ICA1L: variants seen among roughly 807,000 people sequenced by gnomAD.
The protein encoded by ICA1L is islet cell autoantigen 1-like protein.
A neutral mutation model predicts 61.3 loss-of-function variants in ICA1L; 50 were observed. The observed-to-expected ratio is 0.82, with a 90% CI of 0.65 to 1.03. The LOEUF (loss-of-function observed/expected upper bound fraction) is 1.03, where lower values mean the gene tolerates loss of function less well. ICA1L is among the 50% of genes least tolerant of loss of function. The pLI, the probability that ICA1L is intolerant of heterozygous loss-of-function variation, is 0.00. For missense variants in ICA1L, 508 were observed against 556.7 expected (o/e 0.91, Z 0.88); for synonymous variants, 161 against 191.3 (o/e 0.84, Z 1.31).
chr2:202,834,507 A>T (rs1054304650), intron 1 of ICA1L, among the ~76,000 whole-genome samples: 4 of 152,102 alleles, frequency 2.6e-5, no homozygotes, highest in Admixed American at 1.3e-4. Context: ...AAGTACCTGC[A>T]GTCCCTGCTA....
intron 9 of ICA1L, 65 bp downstream of exon 9, chr2:202,811,681 G>C: frequency 1.1e-6 from 1 of 907,130 alleles, no homozygotes; most frequent in South Asian, 1.6e-5. Flanking sequence ...AAAAAAAAAG[G>C]CTGTGATAAA....
Position 202,773,925 on chromosome 2 carries a change from G to C in ICA1L, c.*5608C>G. 1 of 1,209,388 alleles carries C rather than the reference G, an allele frequency of 8.3e-7. No homozygotes were observed. The allele number at this position is 1,209,388 out of a possible 1,614,324, so 74.9% of individuals were successfully genotyped here. A position where few individuals can be genotyped will look rare whatever the true frequency, so the allele number is the denominator to read the frequency against. On this transcript the variant is annotated 3_prime_UTR_variant, in exon 13 of 13. Transcript: ENST00000358299. ...AATAAGAACAGTCAACGTAGAAAGA[G>C]ACAGAAAGATTCTTCTCTTCCGCTT...
chr2:202,825,792 C>T, intron 2 of ICA1L, 25 bp from the exon 3 acceptor site: 1 of 1,432,808 alleles, frequency 7.0e-7, no homozygotes, highest in Non-Finnish European at 9.5e-7. Context: ...TTTATTAGGA[C>T]AATTTAAAGA....
At position 202,846,731 on chromosome 2, in the gene ICA1L, AGTC is replaced by A. The variant is rs777122801; in HGVS notation, c.-7-17718_-7-17716del. Reference sequence around the variant, plus strand: ...ACTTGCAAGCCCTTATCCAAAAGTGAGTCATTCATTCATTCATTCATTCATTGT... The same window carrying A: ...ACTTGCAAGCCCTTATCCAAAAGTGAATTCATTCATTCATTCATTCATTGT... On this transcript the variant is annotated intron_variant, in intron 1 of 12. Transcript: ENST00000358299. Among the ~76,000 whole-genome samples, 192 of 114,808 alleles carry A rather than the reference AGTC, an allele frequency of 1.7e-3. 6 individuals are homozygous for A. The highest frequency in any genetic ancestry group is 2.9e-3 in the Admixed American group (33 of 11,266). The allele number at this position is 114,808 out of a possible 152,430, so 75.3% of individuals were successfully genotyped here. A position where few individuals can be genotyped will look rare whatever the true frequency, so the allele number is the denominator to read the frequency against.
At chr2:202,791,985 T>G (rs953737476) in intron 10 of ICA1L, among the ~76,000 whole-genome samples, 1 of 151,968 alleles carries the variant, frequency 6.6e-6, no homozygotes, top group Non-Finnish European at 1.5e-5. Context: ...CTGGCCAACA[T>G]AGTGAAACTC....
At chr2:202,782,281 G>T (rs1056650471) in intron 12 of ICA1L, among the ~76,000 whole-genome samples, 1 of 152,064 alleles carries the variant, frequency 6.6e-6, no homozygotes. Context: ...GGAGGCGGAG[G>T]TTACAGTGAG....
chr2:202,862,277 A>C (rs1259249068), intron 1 of ICA1L, among the ~76,000 whole-genome samples: 1 of 89,918 alleles, frequency 1.1e-5, no homozygotes, highest in Admixed American at 1.2e-4. Context: ...TTCTACAAAA[A>C]AAAAAAAAAA....
At position 202,776,846 on chromosome 2, in the gene ICA1L, AC is replaced by A. The variant is rs1692238069; in HGVS notation, c.*2686del. ...CCTTGTATGTCTCCATTTCGGGAGA[AC>A]TTTTGCTTTTGGAAAATTTAGGGTG... is the stretch of plus-strand genomic sequence containing the variant. On this transcript the variant is annotated 3_prime_UTR_variant, in exon 13 of 13. Coordinates refer to ENST00000358299, the MANE Select transcript of ICA1L (RefSeq NM_001288622.3). The A allele has an allele frequency of 6.6e-6, 1 of 152,126 alleles. No individual in the cohort carries two copies. Among genetic ancestry groups the A allele is most frequent in the Non-Finnish European group, 1.5e-5 (1 of 68,024 alleles). 9.4% of individuals were successfully genotyped at this position (152,126 alleles called of 1,614,324 possible).
intron 1 of ICA1L, among the ~76,000 whole-genome samples, chr2:202,851,768 C>T (rs574812676): frequency 6.6e-6 from 1 of 151,974 alleles, no homozygotes; most frequent in Non-Finnish European, 1.5e-5. Context: ...CCAGTGATGA[C>T]GAGCATTTTG....
At chr2:202,795,345 C>T (rs1692894149) in intron 10 of ICA1L, among the ~76,000 whole-genome samples, 1 of 151,954 alleles carries the variant, frequency 6.6e-6, no homozygotes, top group Non-Finnish European at 1.5e-5. Flanking sequence ...GGAGTGGTGG[C>T]ACACGCCTAT....
At chr2:202,783,049 T>C (rs1692460816) in intron 12 of ICA1L, among the ~76,000 whole-genome samples, 1 of 152,084 alleles carries the variant, frequency 6.6e-6, no homozygotes, top group African/African-American at 2.4e-5. Flanking sequence ...ATAAAATAGA[T>C]TCCAGGAGTC....
Position 202,779,799 on chromosome 2 carries a change from ATTT to A in ICA1L, c.1334-154_1334-152del, listed in dbSNP as rs369496549. 3,927 of 430,630 alleles carry A rather than the reference ATTT, an allele frequency of 9.1e-3. 1 individual carries two copies. Among genetic ancestry groups the A allele is most frequent in the South Asian group, 0.015 (400 of 26,398 alleles). 26.7% of individuals were successfully genotyped at this position (430,630 alleles called of 1,614,324 possible). A position where few individuals can be genotyped will look rare whatever the true frequency, so the allele number is the denominator to read the frequency against. On this transcript the variant is annotated intron_variant, in intron 12 of 12. Transcript: ENST00000358299. ...ATCTATCAACTATAGTCCCTTTAAG[ATTT>A]TTTTTTTTTTTTTTTGTTTTCGGTA...
intron 1 of ICA1L, among the ~76,000 whole-genome samples, chr2:202,863,029 C>T (rs1485238042): frequency 2.0e-5 from 3 of 151,922 alleles, no homozygotes; most frequent in African/African-American, 4.8e-5. Flanking sequence ...CGGTGGCTCA[C>T]GCCTGTAATC....
rs1214272692 is a variant in ICA1L at position 202,785,985 on chromosome 2, T to C, written c.1266A>G (p.Ser422=). 1 of 1,608,462 alleles carries C rather than the reference T, an allele frequency of 6.2e-7. No homozygotes were observed. The highest frequency in any genetic ancestry group is 8.5e-7 in the Non-Finnish European group (1 of 1,175,556). The change falls in exon 12 of 13, where the codon TCA becomes TCG. Residue 422 remains serine, a synonymous_variant. Coordinates refer to ENST00000358299, the MANE Select transcript of ICA1L (RefSeq NM_001288622.3). ...TATCAGTGTGTGAAAGACAAAGTTC[T>C]GATTCCTCTTGGGAGACCCAGTCTG... ...AFNNWVSQEE[S]ELCLSHTDNQ... is the part of the protein sequence containing the mutation.
chr2:202,828,925 C>A lies in ICA1L; in HGVS notation c.85G>T (p.Val29Phe). 1 of 1,613,314 alleles carries A rather than the reference C, an allele frequency of 6.2e-7. No homozygotes were observed. Among genetic ancestry groups the A allele is most frequent in the South Asian group, 1.1e-5 (1 of 90,970 alleles). The change falls in exon 2 of 13, where the codon GTC (valine) becomes TTC (phenylalanine). Residue 29 changes from valine (V) to phenylalanine (F), a missense_variant. Physicochemically the swap from Val to Phe is conservative, Grantham distance 50. Transcript: ENST00000358299. ...MQKKYWKTKQ[V>F]FIKATGKKED... is the part of the protein sequence containing the mutation. The stretch of plus-strand genomic sequence containing the variant: ...TTTTTTCCTGTTGCTTTGATAAAGA[C>A]CTGTTTAGTTTTCCAGTATTTCTTT...
At chr2:202,847,435 G>C (rs938218304) in intron 1 of ICA1L, among the ~76,000 whole-genome samples, 15 of 151,944 alleles carry the variant, frequency 9.9e-5, no homozygotes, top group Non-Finnish European at 1.8e-4. Context: ...TTTCAAGCTT[G>C]GGTCTCTAGT....
chr2:202,775,377 A>G lies in ICA1L; in HGVS notation c.*4156T>C, dbSNP rs1692189865. 6.6e-6 allele frequency: 1 copy of G among 152,172 alleles called. No homozygotes were observed. The highest frequency in any genetic ancestry group is 2.4e-5 in the African/African-American group (1 of 41,438). The allele number at this position is 152,172 out of a possible 1,614,324, so 9.4% of individuals were successfully genotyped here. A position where few individuals can be genotyped will look rare whatever the true frequency, so the allele number is the denominator to read the frequency against. ...TAAGTCAGGTTACATACTATGGCTTATATTTAATTGTTTGTGTCTAGGCTC... is the reference window on the plus strand; with the variant it reads ...TAAGTCAGGTTACATACTATGGCTTGTATTTAATTGTTTGTGTCTAGGCTC... On this transcript the variant is annotated 3_prime_UTR_variant, in exon 13 of 13. Coordinates refer to ENST00000358299, the MANE Select transcript of ICA1L (RefSeq NM_001288622.3).
At chr2:202,844,207 C>G (rs1451815741) in intron 1 of ICA1L, 1 of 152,102 alleles carries the variant, frequency 6.6e-6, no homozygotes, top group East Asian at 1.9e-4. Flanking sequence ...GAGACCCCAT[C>G]TCTACCAAAA....
intron 9 of ICA1L, among the ~76,000 whole-genome samples, chr2:202,800,834 TAAAAG>T (rs1693069213): frequency 6.6e-6 from 1 of 152,034 alleles, no homozygotes; most frequent in East Asian, 1.9e-4. Flanking sequence ...CCAAAGTAAT[TAAAAG>T]GAAAACACAT....
Sources: gnomAD v4.1 joint callset for allele counts (sites outside exome capture counted in the v4.1 genomes callset) on GRCh38, gnomAD v4.1.1 for gene constraint, MANE v1.5 for transcripts, NCBI Gene and HGNC (gene_info 2026-07-23, HGNC 2026-07-21) for gene names.